AGAP1: variants seen among roughly 807,000 people sequenced by gnomAD.
The protein encoded by AGAP1 is arf-GAP with GTPase, ANK repeat and PH domain-containing protein 1.
In AGAP1, 29 loss-of-function variants were observed where a neutral mutation model predicts 105.3. The ratio of observed to expected loss-of-function variants is 0.28; its 90% CI spans 0.21 to 0.38. The LOEUF is 0.38. Among genes scored for constraint, AGAP1 ranks in the 10% least tolerant of loss-of-function variants. The pLI is 1.00. For missense variants in AGAP1, 998 were observed against 1,165.1 expected (o/e 0.86, Z 2.09); for synonymous variants, 509 against 485.9 (o/e 1.05, Z -0.63).
rs1291327942 is a variant in AGAP1, at chr2:236,038,815, TTGTATGTG to T, written c.1801-1932_1801-1925del. On this transcript the variant is annotated intron_variant, in intron 14 of 17. Coordinates refer to ENST00000304032, the MANE Select transcript of AGAP1 (RefSeq NM_001037131.3). The surrounding 1 kb of genome is among the most constrained non-coding windows in gnomAD (Gnocchi z 4.5). ...CACAGAGAGACAGAGGCACATCCCT[TTGTATGTG>T]TGTGTGTGTGTGTGTGTGTGTGTGT... is the stretch of plus-strand genomic sequence containing the variant. Among the ~76,000 whole-genome samples the T allele has an allele frequency of 0.012, 1,546 of 128,628 alleles. 8 individuals carry two copies. The highest frequency in any genetic ancestry group is 0.017 in the African/African-American group (484 of 28,232). The allele number at this position is 128,628 out of a possible 152,430, so 84.4% of individuals were successfully genotyped here.
chr2:235,643,668 T>C (rs1312563163), intron 1 of AGAP1, among the ~76,000 whole-genome samples: 1 of 151,424 alleles, frequency 6.6e-6, no homozygotes, highest in East Asian at 1.9e-4. Context: ...GAATTTACCA[T>C]CTCCATCTGC....
chr2:236,120,157 GA>G lies in AGAP1; in HGVS notation c.2115-34del, dbSNP rs2059865556. 7 of 1,585,942 alleles carry G rather than the reference GA, an allele frequency of 4.4e-6. No individual in the cohort carries two copies. The highest frequency in any genetic ancestry group is 6.0e-6 in the Non-Finnish European group (7 of 1,164,298). ...GCTGGCAGCCTGTGTTCTCGGGCCT[GA>G]TCGTGACTGCACCTGTCTGGTGGCT... On this transcript the variant is annotated intron_variant, in intron 16 of 17. Transcript: ENST00000304032. The surrounding 1 kb of genome is among the most constrained non-coding windows in gnomAD (Gnocchi z 6.0).
chr2:235,846,275 A>G (rs1269301244), intron 9 of AGAP1, among the ~76,000 whole-genome samples: 1 of 152,184 alleles, frequency 6.6e-6, no homozygotes, highest in African/African-American at 2.4e-5. Context: ...GCAAAATGGA[A>G]TGTAAGAGTT....
At position 236,044,620 on chromosome 2, in the gene AGAP1, C is replaced by T. The variant is rs1318893582; in HGVS notation, c.1891+3779C>T. 1.3e-5 allele frequency among the ~76,000 whole-genome samples: 2 copies of T among 152,112 alleles called. No individual in the cohort carries two copies. Among genetic ancestry groups the T allele is most frequent in the Non-Finnish European group, 2.9e-5 (2 of 68,016 alleles). On this transcript the variant is annotated intron_variant, in intron 15 of 17. Coordinates refer to ENST00000304032, the MANE Select transcript of AGAP1 (RefSeq NM_001037131.3). This position sits in a 1 kb window ranked among gnomAD's most constrained non-coding sequence, Gnocchi z 5.7. ...AGAGGGGACTGGCACCCACCACTAC[C>T]ACCAGATAGCTCACCACAACCTACA...
At position 235,882,552 on chromosome 2, in the gene AGAP1, C is replaced by T; in HGVS notation, c.1051-793C>T. 1 of 854,524 alleles carries T rather than the reference C, an allele frequency of 1.2e-6. No homozygotes were observed. Among genetic ancestry groups the T allele is most frequent in the Non-Finnish European group, 1.8e-6 (1 of 552,624 alleles). 52.9% of individuals were successfully genotyped at this position (854,524 alleles called of 1,614,324 possible). A position where few individuals can be genotyped will look rare whatever the true frequency, so the allele number is the denominator to read the frequency against. ...CTCTTAGCTCACTGCAACACTCTGC[C>T]TCCTGGGTTCAAGCAATTCCCCTGC... On this transcript the variant is annotated intron_variant, in intron 9 of 17. Transcript: ENST00000304032. This position sits in a 1 kb window ranked among gnomAD's most constrained non-coding sequence, Gnocchi z 4.6.
rs920917431 is a variant in AGAP1, at chr2:235,993,167, A to G, written c.1645+24544A>G. 2.6e-5 allele frequency among the ~76,000 whole-genome samples: 4 copies of G among 152,212 alleles called. No individual in the cohort carries two copies. Among genetic ancestry groups the G allele is most frequent in the Non-Finnish European group, 5.9e-5 (4 of 68,030 alleles). ...TAGGATTCCCACAATTTGCAGTTGT[A>G]CAGTTCAAACACCAAACTGTTTGTG... On this transcript the variant is annotated intron_variant, in intron 13 of 17. Transcript: ENST00000304032. The surrounding 1 kb of genome is among the most constrained non-coding windows in gnomAD (Gnocchi z 5.0).
intron 1 of AGAP1, among the ~76,000 whole-genome samples, chr2:235,541,162 C>T (rs1359698840): frequency 6.6e-6 from 1 of 152,132 alleles, no homozygotes; most frequent in African/African-American, 2.4e-5. Flanking sequence ...GGACTTTCAT[C>T]AGTACACATA....
At chr2:235,863,834 C>T (rs764849135) in intron 9 of AGAP1, among the ~76,000 whole-genome samples, 5 of 152,062 alleles carry the variant, frequency 3.3e-5, no homozygotes, top group Admixed American at 6.5e-5. Flanking sequence ...GAAGAGTTAA[C>T]TCGGAAAGAA....
chr2:235,628,026 T>G (rs1389986486), intron 1 of AGAP1, among the ~76,000 whole-genome samples: 1 of 151,710 alleles, frequency 6.6e-6, no homozygotes, highest in Non-Finnish European at 1.5e-5. Flanking sequence ...AGGGAGAGGG[T>G]CTGAGCCCCC....
intron 9 of AGAP1, among the ~76,000 whole-genome samples, chr2:235,863,313 GAAGA>G (rs1454704779): frequency 6.6e-6 from 1 of 152,224 alleles, no homozygotes; most frequent in Non-Finnish European, 1.5e-5. Flanking sequence ...GAAAAAGTAA[GAAGA>G]AATAAGTGAA....
At chr2:235,616,978 C>T (rs1029619446) in intron 1 of AGAP1, among the ~76,000 whole-genome samples, 1 of 149,468 alleles carries the variant, frequency 6.7e-6, no homozygotes, top group African/African-American at 2.5e-5. Context: ...TTTTTTTAAG[C>T]TTGGAAAGAG....
intron 3 of AGAP1, among the ~76,000 whole-genome samples, chr2:235,731,135 G>C (rs1951925507): frequency 6.6e-6 from 1 of 152,220 alleles, no homozygotes; most frequent in East Asian, 1.9e-4. Context: ...TTTGTTTGGT[G>C]GTGGTTGAGA....
At chr2:235,886,636 G>T (rs190194506) in intron 10 of AGAP1, among the ~76,000 whole-genome samples, 1 of 152,158 alleles carries the variant, frequency 6.6e-6, no homozygotes, top group South Asian at 2.1e-4. Context: ...TAATTGTATA[G>T]CAAGCAAGAG....
intron 1 of AGAP1, among the ~76,000 whole-genome samples, chr2:235,497,628 G>T (rs191399928): frequency 6.6e-6 from 1 of 152,186 alleles, no homozygotes; most frequent in South Asian, 2.1e-4. Context: ...ACGGAGTCTC[G>T]CTCTGTCGCC....
intron 13 of AGAP1, among the ~76,000 whole-genome samples, chr2:236,004,851 T>C (rs1416678323): frequency 6.6e-6 from 1 of 152,190 alleles, no homozygotes; most frequent in East Asian, 1.9e-4. Context: ...AATGATATAT[T>C]GTGACGAGAT....
At chr2:235,922,209 A>T (rs1391006418) in intron 11 of AGAP1, among the ~76,000 whole-genome samples, 1 of 152,196 alleles carries the variant, frequency 6.6e-6, no homozygotes, top group East Asian at 1.9e-4. Context: ...CCGTCCCTGG[A>T]TGTTTCTAAG....
chr2:235,606,519 A>G (rs1289412890), intron 1 of AGAP1, among the ~76,000 whole-genome samples: 1 of 152,096 alleles, frequency 6.6e-6, no homozygotes, highest in Non-Finnish European at 1.5e-5. Flanking sequence ...ACCTTTTTTT[A>G]AAAAAGTGGG....
Position 236,014,885 on chromosome 2 carries a change from GCCTCCGCACCTCCACCCGCCCACA to G in AGAP1, c.1646-21670_1646-21647del. The G allele has an allele frequency of 2.4e-6, 1 of 416,494 alleles. No individual in the cohort carries two copies. The highest frequency in any genetic ancestry group is 5.0e-6 in the Non-Finnish European group (1 of 199,472). 25.8% of individuals were successfully genotyped at this position (416,494 alleles called of 1,614,324 possible). A position where few individuals can be genotyped will look rare whatever the true frequency, so the allele number is the denominator to read the frequency against. Reference sequence around the variant, plus strand: ...CAGCAGCACCAACACTGAAGGTAACGCCTCCGCACCTCCACCCGCCCACACCTCCACCTGCCTCTTCCCCTCTCA... The same window carrying G: ...CAGCAGCACCAACACTGAAGGTAACGCCTCCACCTGCCTCTTCCCCTCTCA... On this transcript the variant is annotated intron_variant, in intron 13 of 17. Transcript: ENST00000304032. This position sits in a 1 kb window ranked among gnomAD's most constrained non-coding sequence, Gnocchi z 6.3.
At chr2:235,530,352 C>T (rs565786563) in intron 1 of AGAP1, among the ~76,000 whole-genome samples, 12 of 152,296 alleles carry the variant, frequency 7.9e-5, no homozygotes, top group African/African-American at 2.9e-4. Flanking sequence ...AGGGCTTTCA[C>T]GGGAGCCCTT....
Sources: allele counts gnomAD v4.1 joint callset (sites outside exome capture counted in the v4.1 genomes callset), GRCh38; gene constraint gnomAD v4.1.1; non-coding constraint Gnocchi (gnomAD v3.1); transcripts MANE v1.5; gene names NCBI Gene and HGNC (gene_info 2026-07-23, HGNC 2026-07-21).